The following CPQ variants were observed in gnomAD, a reference collection of about 807,000 sequenced individuals.
CPQ encodes the protein Ser-Met dipeptidase.
A neutral mutation model predicts 45.7 loss-of-function variants in CPQ; 37 were observed. That is an observed-to-expected ratio of 0.81 (90% CI 0.62 to 1.07). The LOEUF (loss-of-function observed/expected upper bound fraction) is 1.07. Among genes scored for constraint, CPQ ranks in the 50% least tolerant of loss-of-function variants. The pLI is 0.00. For synonymous variants in CPQ, 186 were observed against 205.8 expected, an observed-to-expected ratio of 0.90 and a Z score of 0.82; for missense variants, 537 against 572.9, an observed-to-expected ratio of 0.94 and a Z score of 0.64.
rs147211154 is a variant in CPQ, at chr8:96,666,366, T to C, written c.-35+20964T>C. Reference sequence around the variant, plus strand: ...AGTCCCTCCTGGTCCATTGAGTCCCTGGATGCCAGAACATTAAGAATACAG... The same window carrying C: ...AGTCCCTCCTGGTCCATTGAGTCCCCGGATGCCAGAACATTAAGAATACAG... On this transcript the variant is annotated intron_variant, in intron 1 of 7. Transcript: ENST00000220763. 1.6e-3 allele frequency among the ~76,000 whole-genome samples: 240 copies of C among 152,326 alleles called. 1 individual carries two copies. The highest frequency in any genetic ancestry group is 5.7e-3 in the African/African-American group (235 of 41,580).
At chr8:96,788,935 C>G (rs549261336) in intron 2 of CPQ, among the ~76,000 whole-genome samples, 1 of 152,122 alleles carries the variant, frequency 6.6e-6, no homozygotes, top group South Asian at 2.1e-4. Context: ...CTGAATTTGT[C>G]TTTTTAGTTA....
chr8:96,747,172 T>G, intron 1 of CPQ, among the ~76,000 whole-genome samples: 1 of 151,928 alleles, frequency 6.6e-6, no homozygotes, highest in African/African-American at 2.4e-5. Flanking sequence ...ACACCTGTAA[T>G]TCCAGCTACT....
At chr8:96,909,533 T>A (rs1218660080) in intron 4 of CPQ, among the ~76,000 whole-genome samples, 2 of 152,200 alleles carry the variant, frequency 1.3e-5, no homozygotes, top group Non-Finnish European at 2.9e-5. Context: ...AATTTCCTTT[T>A]AATGAGAGGG....
chr8:97,020,699 C>A (rs1809663041), intron 5 of CPQ, among the ~76,000 whole-genome samples: 1 of 151,878 alleles, frequency 6.6e-6, no homozygotes, highest in Non-Finnish European at 1.5e-5. Flanking sequence ...CTGAACAGAC[C>A]AAAAACAAGC....
chr8:96,992,734 C>T (rs1158511894), intron 5 of CPQ, among the ~76,000 whole-genome samples: 1 of 151,426 alleles, frequency 6.6e-6, no homozygotes, highest in Non-Finnish European at 1.5e-5. Flanking sequence ...AGGAGAGTCT[C>T]CCACTTTCTT....
chr8:97,084,895 T>A (rs1160821017), intron 7 of CPQ, among the ~76,000 whole-genome samples: 2 of 151,288 alleles, frequency 1.3e-5, no homozygotes, highest in Non-Finnish European at 3.0e-5. Context: ...CATAAAGGCT[T>A]TCTCTTACCC....
At chr8:97,127,697 T>G (rs1423385107) in intron 7 of CPQ, among the ~76,000 whole-genome samples, 1 of 151,440 alleles carries the variant, frequency 6.6e-6, no homozygotes, top group Non-Finnish European at 1.5e-5. Flanking sequence ...CCAAAAAAAA[T>G]GAAAAAAAGA....
At chr8:96,766,877 G>T (rs1586392108) in intron 1 of CPQ, among the ~76,000 whole-genome samples, 1 of 152,120 alleles carries the variant, frequency 6.6e-6, no homozygotes, top group East Asian at 1.9e-4. Context: ...GGCACACTTT[G>T]CTCTCTGTTG....
At chr8:96,975,242 T>C (rs1813754878) in intron 5 of CPQ, among the ~76,000 whole-genome samples, 1 of 151,722 alleles carries the variant, frequency 6.6e-6, no homozygotes, top group African/African-American at 2.4e-5. Context: ...AACTAGAAAA[T>C]CTAGAGGAGA....
chr8:97,039,941 A>G (rs1460519696), intron 6 of CPQ, among the ~76,000 whole-genome samples: 1 of 152,042 alleles, frequency 6.6e-6, no homozygotes, highest in Admixed American at 6.6e-5. Context: ...CACAATAAAC[A>G]TACATGTGCA....
At chr8:96,982,391 C>CA (rs1351893878) in intron 5 of CPQ, among the ~76,000 whole-genome samples, 1 of 152,130 alleles carries the variant, frequency 6.6e-6, no homozygotes, top group Non-Finnish European at 1.5e-5. Context: ...TCCCAGGCTA[C>CA]AGTGCAATGG....
chr8:96,788,631 G>T (rs1249725781), intron 2 of CPQ, among the ~76,000 whole-genome samples: 1 of 151,974 alleles, frequency 6.6e-6, no homozygotes, highest in Non-Finnish European at 1.5e-5. Context: ...CTTACTTGGA[G>T]GTTGTTGATT....
chr8:97,045,580 C>T (rs868385662), intron 6 of CPQ, among the ~76,000 whole-genome samples: 4 of 152,348 alleles, frequency 2.6e-5, no homozygotes, highest in Middle Eastern at 3.4e-3. Context: ...TCTTCTGCGT[C>T]GCTCATGCTG....
At chr8:96,661,332 T>C (rs1269110620) in intron 1 of CPQ, among the ~76,000 whole-genome samples, 3 of 152,090 alleles carry the variant, frequency 2.0e-5, no homozygotes, top group Non-Finnish European at 4.4e-5. Flanking sequence ...TGAACCCATA[T>C]AGACATATCA....
At chr8:97,040,353 G>T (rs1810096304) in intron 6 of CPQ, among the ~76,000 whole-genome samples, 1 of 151,816 alleles carries the variant, frequency 6.6e-6, no homozygotes, top group East Asian at 1.9e-4. Flanking sequence ...TTGTAAATTT[G>T]TTGGAGTTCA....
chr8:97,074,642 G>C (rs943850494), intron 7 of CPQ, among the ~76,000 whole-genome samples: 7 of 152,068 alleles, frequency 4.6e-5, no homozygotes, highest in African/African-American at 1.4e-4. Context: ...GTAGTAGCGG[G>C]TGCCTGTAAT....
At chr8:96,956,043 GAGCTTCTGCAC>G (rs1813352326) in intron 4 of CPQ, among the ~76,000 whole-genome samples, 2 of 152,160 alleles carry the variant, frequency 1.3e-5, no homozygotes, top group Non-Finnish European at 2.9e-5. Context: ...TTAAACTAAA[GAGCTTCTGCAC>G]AGCAAAAGAA....
intron 4 of CPQ, among the ~76,000 whole-genome samples, chr8:96,910,680 A>G (rs1292131851): frequency 2.0e-5 from 3 of 152,024 alleles, no homozygotes; most frequent in African/African-American, 7.3e-5. Context: ...AATTTTTTGT[A>G]TATTTAGTAG....
intron 6 of CPQ, among the ~76,000 whole-genome samples, chr8:97,044,206 A>C (rs1374832553): frequency 6.6e-6 from 1 of 151,984 alleles, no homozygotes; most frequent in Non-Finnish European, 1.5e-5. Context: ...TTTCTCTAAA[A>C]ATCCCTTCTC....
Sources: allele counts gnomAD v4.1 joint callset (sites outside exome capture counted in the v4.1 genomes callset), GRCh38; gene constraint gnomAD v4.1.1; transcripts MANE v1.5; gene names NCBI Gene and HGNC (gene_info 2026-07-23, HGNC 2026-07-21).